Variants in FAF1 observed in about 807,000 individuals in gnomAD.
FAF1 encodes FAS-associated factor 1.
Under a neutral mutation model 92.5 loss-of-function variants are expected in FAF1, and 25 were observed. The observed-to-expected ratio is 0.27, with a 90% CI of 0.20 to 0.38. FAF1 has a LOEUF of 0.38. FAF1 is among the 10% of genes least tolerant of loss of function. The pLI, the probability that FAF1 is intolerant of heterozygous loss-of-function variation, is 1.00. For synonymous variants in FAF1, 234 were observed against 273.2 expected, an observed-to-expected ratio of 0.86 and a Z score of 1.42; for missense variants, 636 against 793.3, an observed-to-expected ratio of 0.80 and a Z score of 2.38.
chr1:50,915,370 CAAAAA>C (rs1157402147), intron 1 of FAF1, among the ~76,000 whole-genome samples: 2 of 71,694 alleles, frequency 2.8e-5, no homozygotes, highest in African/African-American at 5.0e-5. Flanking sequence ...AACTCCATCT[CAAAAA>C]AAAAAAAAAA....
At chr1:50,739,325 CAT>C (rs1659279892) in intron 5 of FAF1, among the ~76,000 whole-genome samples, 1 of 151,970 alleles carries the variant, frequency 6.6e-6, no homozygotes, top group Non-Finnish European at 1.5e-5. Context: ...TACATGTGTA[CAT>C]GTGTACACGT....
intron 2 of FAF1, among the ~76,000 whole-genome samples, chr1:50,852,632 T>C (rs1008679559): frequency 1.3e-5 from 2 of 152,188 alleles, no homozygotes; most frequent in African/African-American, 4.8e-5. Context: ...GGTTTACCGC[T>C]ATGACAATTC....
chr1:50,463,912 T>C (rs768278400), intron 18 of FAF1, among the ~76,000 whole-genome samples: 2 of 152,226 alleles, frequency 1.3e-5, no homozygotes, highest in Non-Finnish European at 2.9e-5. Flanking sequence ...CACATTTCCA[T>C]GTAACCCTAG....
chr1:50,629,143 T>TATAGATCC (rs1228042562), intron 8 of FAF1, among the ~76,000 whole-genome samples: 1 of 151,476 alleles, frequency 6.6e-6, no homozygotes, highest in African/African-American at 2.4e-5. Context: ...AGATCAATCT[T>TATAGATCC]ATAGATCCAG....
chr1:50,864,756 T>A (rs1273104848), intron 1 of FAF1, among the ~76,000 whole-genome samples: 1 of 152,120 alleles, frequency 6.6e-6, no homozygotes, highest in Non-Finnish European at 1.5e-5. Context: ...AACCTAGGCA[T>A]TACCATTCAG....
intron 5 of FAF1, among the ~76,000 whole-genome samples, chr1:50,744,058 G>T (rs961515112): frequency 2.0e-5 from 3 of 151,758 alleles, no homozygotes; most frequent in Non-Finnish European, 2.9e-5. Flanking sequence ...GCAACAGAGC[G>T]AGACTGTCTC....
intron 4 of FAF1, among the ~76,000 whole-genome samples, chr1:50,759,420 T>C (rs865826731): frequency 1.1e-3 from 173 of 151,584 alleles, no homozygotes; most frequent in African/African-American, 4.0e-3. Context: ...TTTGTTCTTG[T>C]GATAGTTTAC....
At chr1:50,566,976 G>C in intron 13 of FAF1, 101 bp downstream of exon 13, 1 of 831,376 alleles carries the variant, frequency 1.2e-6, no homozygotes, top group Non-Finnish European at 1.8e-6. Context: ...CAATGGTAGA[G>C]AGTTTAATGC....
intron 1 of FAF1, among the ~76,000 whole-genome samples, chr1:50,952,361 C>T (rs1450716318): frequency 1.3e-5 from 2 of 152,248 alleles, no homozygotes; most frequent in Non-Finnish European, 2.9e-5. Context: ...CTGCCAGCCT[C>T]GGCCTCCCGA....
intron 18 of FAF1, among the ~76,000 whole-genome samples, chr1:50,457,794 C>T (rs1050335038): frequency 7.2e-6 from 1 of 138,850 alleles, no homozygotes; most frequent in Non-Finnish European, 1.5e-5. Flanking sequence ...GTCCCAGCTA[C>T]TGGGGAGGTT....
At chr1:50,527,811 G>GTCTCTCTCTCTCTCTCTCTCTCTCTCTC (rs9326017) in intron 15 of FAF1, among the ~76,000 whole-genome samples, 1 of 75,316 alleles carries the variant, frequency 1.3e-5, no homozygotes, top group Non-Finnish European at 2.4e-5. Flanking sequence ...TTACTCTGCT[G>GTCTCTCTCTCTCTCTCTCTCTCTCTCTC]TCTCTCTCTC....
intron 7 of FAF1, among the ~76,000 whole-genome samples, chr1:50,690,592 C>T (rs1351721045): frequency 1.3e-5 from 2 of 152,070 alleles, no homozygotes; most frequent in Non-Finnish European, 2.9e-5. Context: ...CAGAGCAAGA[C>T]TGTCTCAAAA....
At chr1:50,589,697 T>C (rs907301437) in intron 9 of FAF1, among the ~76,000 whole-genome samples, 1 of 152,232 alleles carries the variant, frequency 6.6e-6, no homozygotes, top group Non-Finnish European at 1.5e-5. Context: ...GTCCAATTTC[T>C]CTATTTTTTC....
chr1:50,958,497 G>C (rs1645288221), intron 1 of FAF1, among the ~76,000 whole-genome samples: 1 of 152,028 alleles, frequency 6.6e-6, no homozygotes, highest in Non-Finnish European at 1.5e-5. Flanking sequence ...CTAACACGGC[G>C]AAACCCTGTC....
chr1:50,497,538 C>T (rs1326840458), intron 15 of FAF1, among the ~76,000 whole-genome samples: 1 of 123,470 alleles, frequency 8.1e-6, no homozygotes, highest in Non-Finnish European at 1.7e-5. Context: ...TTATTCAAAA[C>T]TCTTTTTTTT....
chr1:50,509,842 G>A (rs371022639), intron 15 of FAF1, among the ~76,000 whole-genome samples: 20 of 151,468 alleles, frequency 1.3e-4, no homozygotes, highest in African/African-American at 2.2e-4. Flanking sequence ...TTCCTTGACC[G>A]CTTCCAACAC....
intron 8 of FAF1, among the ~76,000 whole-genome samples, chr1:50,625,446 T>C (rs1302020379): frequency 1.3e-5 from 2 of 152,204 alleles, no homozygotes; most frequent in African/African-American, 4.8e-5. Flanking sequence ...ACAAGAAGTG[T>C]AACTAATTTT....
At chr1:50,731,372 CTTTT>C (rs369508602) in intron 6 of FAF1, among the ~76,000 whole-genome samples, 2 of 140,184 alleles carry the variant, frequency 1.4e-5, no homozygotes, top group Non-Finnish European at 1.6e-5. Context: ...TATCTTTTCT[CTTTT>C]TTTTTTTTTT....
chr1:50,600,179 T>C (rs1182510730), intron 8 of FAF1, among the ~76,000 whole-genome samples: 1 of 152,214 alleles, frequency 6.6e-6, no homozygotes, highest in Non-Finnish European at 1.5e-5. Flanking sequence ...TTTTAAAAAC[T>C]ATCAGCCATC....
Sources: gnomAD v4.1 joint callset for allele counts (sites outside exome capture counted in the v4.1 genomes callset) on GRCh38, gnomAD v4.1.1 for gene constraint, MANE v1.5 for transcripts, NCBI Gene and HGNC (gene_info 2026-07-23, HGNC 2026-07-21) for gene names.